Variants in ZNF821 observed in about 807,000 individuals in gnomAD.
ZNF821 encodes zinc finger protein 821.
Under a neutral mutation model 44.3 loss-of-function variants are expected in ZNF821, and 16 were observed. That is an observed-to-expected ratio of 0.36 (90% CI 0.24 to 0.55). The LOEUF is 0.55. Among genes scored for constraint, ZNF821 ranks in the 20% least tolerant of loss-of-function variants. The pLI, the probability that ZNF821 is intolerant of heterozygous loss-of-function variation, is 0.86. For synonymous variants in ZNF821, 204 were observed against 197.6 expected, an observed-to-expected ratio of 1.03 and a Z score of -0.27; for missense variants, 436 against 547.6, an observed-to-expected ratio of 0.80 and a Z score of 2.03.
intron 1 of ZNF821, chr16:71,894,888 C>A (rs1342369387): frequency 4.8e-6 from 7 of 1,443,594 alleles, no homozygotes; most frequent in Non-Finnish European, 6.6e-6. Context: ...TCTCTGAATA[C>A]CGAGATAAAT....
upstream of ZNF821, among the ~76,000 whole-genome samples, chr16:71,887,391 C>A (rs996462612): frequency 6.6e-6 from 1 of 151,854 alleles, no homozygotes; most frequent in South Asian, 2.1e-4. Flanking sequence ...TCCCAAGCAG[C>A]TGGGACTACA....
intron 3 of ZNF821, among the ~76,000 whole-genome samples, chr16:71,872,123 G>A (rs968587110): frequency 1.1e-4 from 16 of 152,012 alleles, no homozygotes; most frequent in Non-Finnish European, 2.1e-4. Flanking sequence ...GAGCCACTGC[G>A]CCCGGCCTGG....
At chr16:71,879,829 T>C in intron 3 of ZNF821, 78 bp downstream of exon 3, 2 of 1,345,098 alleles carry the variant, frequency 1.5e-6, no homozygotes, top group Non-Finnish European at 1.0e-6. Flanking sequence ...AGCGTGAGCT[T>C]CTCCCCTAAA....
At chr16:71,867,407 C>T (rs2034668580) in intron 4 of ZNF821, among the ~76,000 whole-genome samples, 1 of 152,126 alleles carries the variant, frequency 6.6e-6, no homozygotes, top group South Asian at 2.1e-4. Context: ...TATATATCGG[C>T]CAGGTGCAGT....
intron 3 of ZNF821, among the ~76,000 whole-genome samples, chr16:71,875,770 T>C (rs1006206861): frequency 2.6e-5 from 4 of 152,164 alleles, no homozygotes; most frequent in African/African-American, 4.8e-5. Context: ...CGCTAATTTT[T>C]ATATTTTTAG....
intron 2 of ZNF821, chr16:71,880,527 AG>A (rs1472635957): frequency 2.0e-5 from 3 of 152,324 alleles, no homozygotes; most frequent in Non-Finnish European, 4.4e-5. Flanking sequence ...CCTGCGAGAC[AG>A]AAAATGTCTC....
At chr16:71,888,406 C>T (rs1337894886), upstream of ZNF821, among the ~76,000 whole-genome samples, 1 of 151,960 alleles carries the variant, frequency 6.6e-6, no homozygotes, top group African/African-American at 2.4e-5. Flanking sequence ...TTAGCTCCTA[C>T]ATTTAGGTCT....
intron 3 of ZNF821, 59 bp from the exon 4 acceptor site, chr16:71,868,096 G>A: frequency 6.6e-7 from 1 of 1,511,150 alleles, no homozygotes; most frequent in South Asian, 1.2e-5. Context: ...CCCCAGGCAA[G>A]CTGGTTGGAA....
At chr16:71,865,847 G>C (rs1212211791) in intron 4 of ZNF821, among the ~76,000 whole-genome samples, 1 of 152,196 alleles carries the variant, frequency 6.6e-6, no homozygotes, top group African/African-American at 2.4e-5. Context: ...GACTAACATA[G>C]GAATTGAGTT....
intron 3 of ZNF821, among the ~76,000 whole-genome samples, chr16:71,870,644 TA>T (rs2035089914): frequency 6.6e-6 from 1 of 152,142 alleles, no homozygotes; most frequent in Admixed American, 6.5e-5. Context: ...CACGCCTGGC[TA>T]ATTTTTGTAT....
At chr16:71,872,843 C>T (rs896678890) in intron 3 of ZNF821, among the ~76,000 whole-genome samples, 5 of 152,224 alleles carry the variant, frequency 3.3e-5, no homozygotes, top group Admixed American at 2.0e-4. Flanking sequence ...ATTCCTCCTT[C>T]TCTTTGTAAA....
intron 3 of ZNF821, among the ~76,000 whole-genome samples, chr16:71,870,536 G>C (rs1021868878): frequency 6.8e-6 from 1 of 147,470 alleles, no homozygotes; most frequent in African/African-American, 2.5e-5. Context: ...CTGGAGTGCA[G>C]TGGCGTGATC....
intron 3 of ZNF821, among the ~76,000 whole-genome samples, chr16:71,879,611 T>C (rs1407162331): frequency 2.6e-5 from 4 of 152,124 alleles, no homozygotes; most frequent in Non-Finnish European, 1.5e-5. Context: ...CTGCAGAGAG[T>C]AGGTATCCTA....
At chr16:71,895,002 G>C (rs558209557) in exon 1 of ZNF821, 43 of 607,746 alleles carry the variant, frequency 7.1e-5, no homozygotes, top group African/African-American at 6.8e-4. Context: ...GCTTAAAAGC[G>C]GGGCGGGGGA....
Position 71,860,755 on chromosome 16 carries a change from A to ATAC in ZNF821, c.585-84_585-83insGTA. The ATAC allele has an allele frequency of 1.5e-5, 22 of 1,426,910 alleles. No individual in the cohort carries two copies. The highest frequency in any genetic ancestry group is 1.2e-4 in the South Asian group (9 of 73,958). The allele number at this position is 1,426,910 out of a possible 1,614,324, so 88.4% of individuals were successfully genotyped here. A position where few individuals can be genotyped will look rare whatever the true frequency, so the allele number is the denominator to read the frequency against. On this transcript the variant is annotated intron_variant, in intron 7 of 7. Transcript: ENST00000425432. The surrounding 1 kb of genome is among the most constrained non-coding windows in gnomAD (Gnocchi z 7.3). ...AGCCCTGCCTTATTCTTTTCCTATG[A>ATAC]GGCCAGTGGCTCCACGCTCACCACA...
At chr16:71,866,058 T>C (rs1427201149) in intron 4 of ZNF821, among the ~76,000 whole-genome samples, 1 of 152,150 alleles carries the variant, frequency 6.6e-6, no homozygotes, top group African/African-American at 2.4e-5. Flanking sequence ...TCACAAGAAG[T>C]AGCCAAGCCT....
At chr16:71,882,381 A>T (rs1312961573) in intron 2 of ZNF821, 5 of 115,920 alleles carry the variant, frequency 4.3e-5, no homozygotes, top group Admixed American at 4.0e-4. Context: ...GAAAAAACAG[A>T]ATCTTGACTA....
chr16:71,866,707 G>A (rs1283667207), intron 4 of ZNF821, among the ~76,000 whole-genome samples: 1 of 152,132 alleles, frequency 6.6e-6, no homozygotes, highest in Non-Finnish European at 1.5e-5. Context: ...ATTCCCACCT[G>A]CTACTCAAGA....
At chr16:71,872,101 G>C (rs2035262558) in intron 3 of ZNF821, among the ~76,000 whole-genome samples, 1 of 152,020 alleles carries the variant, frequency 6.6e-6, no homozygotes, top group Non-Finnish European at 1.5e-5. Flanking sequence ...AAAGTGGTGG[G>C]ATTACAGGAG....
Sources: gnomAD v4.1 joint callset for allele counts (sites outside exome capture counted in the v4.1 genomes callset) on GRCh38, gnomAD v4.1.1 for gene constraint, Gnocchi (gnomAD v3.1) non-coding constraint, MANE v1.5 for transcripts, NCBI Gene and HGNC (gene_info 2026-07-23, HGNC 2026-07-21) for gene names.